SDK1: variants seen among roughly 807,000 people sequenced by gnomAD.
SDK1 encodes protein sidekick-1.
Under a neutral mutation model 245.5 loss-of-function variants are expected in SDK1, and 157 were observed. The ratio of observed to expected loss-of-function variants is 0.64; its 90% CI spans 0.56 to 0.73. The LOEUF (loss-of-function observed/expected upper bound fraction) is 0.73. Among genes scored for constraint, SDK1 ranks in the 30% least tolerant of loss-of-function variants. The pLI, the probability that SDK1 is intolerant of heterozygous loss-of-function variation, is 0.00. For missense variants in SDK1, 3,583 were observed against 3,002.3 expected (o/e 1.19, Z -4.52); for synonymous variants, 1,647 against 1,278.5 (o/e 1.29, Z -6.15).
intron 4 of SDK1, among the ~76,000 whole-genome samples, chr7:3,685,584 G>T (rs1344062733): frequency 6.6e-6 from 1 of 152,184 alleles, no homozygotes; most frequent in Non-Finnish European, 1.5e-5. Flanking sequence ...AGGTTCATAT[G>T]TGATGGTTGA....
chr7:3,332,251 G>A (rs564377903), intron 1 of SDK1, among the ~76,000 whole-genome samples: 5 of 151,946 alleles, frequency 3.3e-5, no homozygotes, highest in Admixed American at 6.6e-5. Flanking sequence ...TTTTATTCTC[G>A]ATGATTAATG....
intron 4 of SDK1, among the ~76,000 whole-genome samples, chr7:3,697,710 C>T (rs766599808): frequency 6.6e-6 from 1 of 152,180 alleles, no homozygotes; most frequent in Non-Finnish European, 1.5e-5. Flanking sequence ...CCTCTCCCCA[C>T]TTCACTCCTA....
intron 5 of SDK1, among the ~76,000 whole-genome samples, chr7:3,849,009 G>A (rs921962391): frequency 2.6e-5 from 4 of 152,100 alleles, no homozygotes; most frequent in Non-Finnish European, 4.4e-5. Flanking sequence ...CTCTTCTTCC[G>A]GACCCCCTTG....
chr7:4,243,481 T>G (rs1259839307), intron 43 of SDK1, among the ~76,000 whole-genome samples: 1 of 152,158 alleles, frequency 6.6e-6, no homozygotes, highest in Non-Finnish European at 1.5e-5. Context: ...GGAAAGAGGT[T>G]TAATGGACTC....
intron 1 of SDK1, among the ~76,000 whole-genome samples, chr7:3,492,460 C>A (rs1781893514): frequency 6.6e-6 from 1 of 152,378 alleles, no homozygotes; most frequent in South Asian, 2.1e-4. Flanking sequence ...CGCCACCACA[C>A]TCCAACCTGG....
At chr7:3,880,025 C>A (rs930895885) in intron 5 of SDK1, among the ~76,000 whole-genome samples, 39 of 152,134 alleles carry the variant, frequency 2.6e-4, no homozygotes, top group African/African-American at 9.4e-4. Flanking sequence ...AATTTCCCTT[C>A]TATTCTGCTG....
intron 32 of SDK1, among the ~76,000 whole-genome samples, chr7:4,168,480 G>A (rs6979021): frequency 6.6e-6 from 1 of 152,154 alleles, no homozygotes; most frequent in Admixed American, 6.5e-5. Context: ...TCCAGCCCCA[G>A]AGGCTGGGAA....
At chr7:3,580,092 A>C (rs1020118293) in intron 1 of SDK1, among the ~76,000 whole-genome samples, 79 of 152,292 alleles carry the variant, frequency 5.2e-4, no homozygotes, top group African/African-American at 1.9e-3. Flanking sequence ...CCAGGGAGCC[A>C]AGAGATCTCT....
chr7:4,003,349 A>G (rs1785216203), intron 14 of SDK1, among the ~76,000 whole-genome samples: 1 of 152,148 alleles, frequency 6.6e-6, no homozygotes, highest in East Asian at 1.9e-4. Flanking sequence ...TGTTTCAAAG[A>G]TGGACCCGCC....
intron 1 of SDK1, among the ~76,000 whole-genome samples, chr7:3,528,737 C>T (rs1783238303): frequency 6.6e-6 from 1 of 152,022 alleles, no homozygotes; most frequent in African/African-American, 2.4e-5. Flanking sequence ...TGGATTAGAT[C>T]TGCAGAATGA....
At chr7:3,862,570 A>G (rs551216795) in intron 5 of SDK1, among the ~76,000 whole-genome samples, 3 of 152,336 alleles carry the variant, frequency 2.0e-5, no homozygotes, top group African/African-American at 7.2e-5. Context: ...CTGAGTTGGA[A>G]AAAGTGGTTA....
Position 4,053,598 on chromosome 7 carries a change from A to G in SDK1, c.2911+1768A>G, listed in dbSNP as rs556509260. Among the ~76,000 whole-genome samples, 13 of 152,022 alleles carry G rather than the reference A, an allele frequency of 8.6e-5. No individual in the cohort carries two copies. In the East Asian group the frequency reaches 2.1e-3, roughly 25 times the overall value. ...CTCCCCACTCCCTTTTAGTCTAACC[A>G]TTGCTTTGACCTTGAACGCCTTATG... On this transcript the variant is annotated intron_variant, in intron 19 of 44. Transcript: ENST00000404826.
chr7:4,156,250 G>A (rs1780726869), intron 30 of SDK1, among the ~76,000 whole-genome samples: 1 of 152,164 alleles, frequency 6.6e-6, no homozygotes, highest in Non-Finnish European at 1.5e-5. Flanking sequence ...GGAGGAGGCA[G>A]GGAGGTCGTG....
intron 4 of SDK1, among the ~76,000 whole-genome samples, chr7:3,654,650 TC>T (rs1783107448): frequency 6.6e-6 from 1 of 152,162 alleles, no homozygotes; most frequent in African/African-American, 2.4e-5. Context: ...GATGACACTG[TC>T]CCTGCTGCTT....
intron 14 of SDK1, among the ~76,000 whole-genome samples, chr7:4,009,247 C>T (rs1284697147): frequency 6.6e-6 from 1 of 152,226 alleles, no homozygotes; most frequent in Admixed American, 6.5e-5. Flanking sequence ...CATACCAGTT[C>T]TCTTCAGAAT....
intron 2 of SDK1, among the ~76,000 whole-genome samples, chr7:3,623,115 T>C (rs1471578209): frequency 1.3e-5 from 2 of 152,186 alleles, no homozygotes; most frequent in Non-Finnish European, 2.9e-5. Context: ...CACTTTGGTG[T>C]CAGTTATGAA....
intron 32 of SDK1, among the ~76,000 whole-genome samples, chr7:4,170,466 G>A (rs576942659): frequency 1.3e-5 from 2 of 152,002 alleles, no homozygotes; most frequent in South Asian, 4.2e-4. Context: ...GAACAGAACA[G>A]ACTACCTGGA....
intron 5 of SDK1, among the ~76,000 whole-genome samples, chr7:3,872,848 A>C (rs559300044): frequency 6.6e-6 from 1 of 152,154 alleles, no homozygotes; most frequent in East Asian, 1.9e-4. Flanking sequence ...GAGTATAAGG[A>C]CCTTATAACA....
chr7:3,575,078 C>G (rs527470964), intron 1 of SDK1, among the ~76,000 whole-genome samples: 3 of 152,140 alleles, frequency 2.0e-5, no homozygotes, highest in Non-Finnish European at 1.5e-5. Context: ...CAGATTCTTA[C>G]GTTGAAGTTG....
Sources: allele counts gnomAD v4.1 joint callset (sites outside exome capture counted in the v4.1 genomes callset), GRCh38; gene constraint gnomAD v4.1.1; transcripts MANE v1.5; gene names NCBI Gene and HGNC (gene_info 2026-07-23, HGNC 2026-07-21).